TIPARP: variants seen among roughly 807,000 people sequenced by gnomAD.
TIPARP encodes protein mono-ADP-ribosyltransferase TIPARP.
TIPARP carries 12 observed loss-of-function variants against 56.5 expected under a neutral mutation model. The observed-to-expected ratio is 0.21, with a 90% CI of 0.14 to 0.34. The LOEUF (loss-of-function observed/expected upper bound fraction) is 0.34. TIPARP is among the 10% of genes least tolerant of loss of function. The pLI, the probability that TIPARP is intolerant of heterozygous loss-of-function variation, is 1.00. For synonymous variants in TIPARP, 296 were observed against 265.7 expected, an observed-to-expected ratio of 1.11 and a Z score of -1.11; for missense variants, 604 against 781.6, an observed-to-expected ratio of 0.77 and a Z score of 2.71.
chr3:156,691,415 T>G (rs1481580503), intron 2 of TIPARP, among the ~76,000 whole-genome samples: 1 of 152,214 alleles, frequency 6.6e-6, no homozygotes, highest in Non-Finnish European at 1.5e-5. Flanking sequence ...GATAGGCAGA[T>G]GTACTGCTTC....
Position 156,678,110 on chromosome 3 carries a change from A to G in TIPARP, c.413A>G (p.Gln138Arg), listed in dbSNP as rs1461451634. ...GCTCCAGAACGAGTGGTTCCAATCC[A>G]AGATCACAGCTTTCCATCAGAAACC... ...TEAPERVVPI[Q>R]DHSFPSETLS... The change falls in exon 2 of 6, where the codon CAA becomes CGA. Residue 138 changes from glutamine (Q) to arginine (R), a missense_variant. This residue lies in a region of TIPARP where 261 missense variants were observed against 279.2 expected (regional missense o/e 0.93). Transcript: ENST00000295924. 1 of 1,614,120 alleles carries G rather than the reference A, an allele frequency of 6.2e-7. No individual in the cohort carries two copies. The highest frequency in any genetic ancestry group is 8.5e-7 in the Non-Finnish European group (1 of 1,180,032).
rs760946108 is a variant in TIPARP, at chr3:156,677,730, C to A, written c.33C>A (p.Asp11Glu). The change falls in exon 2 of 6, where the codon GAC becomes GAA. Residue 11 changes from aspartate (D) to glutamate (E), a missense_variant. Around this residue, in one of 4 missense-constraint regions of TIPARP, gnomAD observed 261 missense variants for 279.2 expected, o/e 0.93. Coordinates refer to ENST00000295924, the MANE Select transcript of TIPARP (RefSeq NM_015508.5). ...TGGAAACCACCGAACCTGAGCCAGA[C>A]TGTGTAGTGCAGCCTCCCTCTCCTC... MEMETTEPEP[D>E]CVVQPPSPPD... 2 of 1,608,778 alleles carry A rather than the reference C, an allele frequency of 1.2e-6. No homozygotes were observed. The highest frequency in any genetic ancestry group is 1.7e-6 in the Non-Finnish European group (2 of 1,178,246).
chr3:156,705,146 G>C lies in TIPARP; in HGVS notation c.*15G>C, dbSNP rs1722949083. The C allele has an allele frequency of 6.8e-7, 1 of 1,468,080 alleles. No individual in the cohort carries two copies. The highest frequency in any genetic ancestry group is 9.1e-7 in the Non-Finnish European group (1 of 1,098,732). The allele number at this position is 1,468,080 out of a possible 1,614,324, so 90.9% of individuals were successfully genotyped here. On this transcript the variant is annotated 3_prime_UTR_variant, in exon 6 of 6. Coordinates refer to ENST00000295924, the MANE Select transcript of TIPARP (RefSeq NM_015508.5). ...TTTCCATTTGAAAAATCTTGGTACTGCTAAATTATTTGATATGAACTCAAT... is the reference window on the plus strand; with the variant it reads ...TTTCCATTTGAAAAATCTTGGTACTCCTAAATTATTTGATATGAACTCAAT...
chr3:156,683,528 A>T (rs1722356156), intron 2 of TIPARP, among the ~76,000 whole-genome samples: 1 of 152,110 alleles, frequency 6.6e-6, no homozygotes, highest in Non-Finnish European at 1.5e-5. Context: ...TAGTAACTCC[A>T]TTCAGCATTT....
chr3:156,685,827 G>A (rs1018866978), intron 2 of TIPARP, among the ~76,000 whole-genome samples: 3 of 152,248 alleles, frequency 2.0e-5, no homozygotes, highest in Non-Finnish European at 4.4e-5. Flanking sequence ...ACCAAAGGGT[G>A]AACTTTGCTT....
chr3:156,686,663 A>C (rs1270903253), intron 2 of TIPARP, among the ~76,000 whole-genome samples: 1 of 152,194 alleles, frequency 6.6e-6, no homozygotes, highest in East Asian at 1.9e-4. Context: ...TCTGAGTAAA[A>C]ACCTTTTTAT....
At chr3:156,690,323 A>T (rs946874378) in intron 2 of TIPARP, among the ~76,000 whole-genome samples, 1 of 152,168 alleles carries the variant, frequency 6.6e-6, no homozygotes, top group Non-Finnish European at 1.5e-5. Flanking sequence ...GATCTTAAAT[A>T]CTAAGATATT....
intron 2 of TIPARP, among the ~76,000 whole-genome samples, chr3:156,693,410 A>T (rs1177570652): frequency 1.3e-5 from 2 of 152,210 alleles, no homozygotes; most frequent in Non-Finnish European, 2.9e-5. Context: ...AATATTCTCA[A>T]AGCTAAACCT....
intron 5 of TIPARP, 25 bp from the exon 6 acceptor site, chr3:156,704,659 A>G: frequency 1.9e-6 from 3 of 1,592,612 alleles, no homozygotes; most frequent in Non-Finnish European, 2.6e-6. Flanking sequence ...ATCCTTCTGA[A>G]TTCTCTGTCT....
At chr3:156,703,366 T>C (rs1034257938) in intron 4 of TIPARP, 58 bp from the exon 5 acceptor site, 20 of 1,539,234 alleles carry the variant, frequency 1.3e-5, no homozygotes, top group African/African-American at 5.5e-5. Context: ...ATCACTATAA[T>C]GTGAGGTGTA....
At position 156,678,396 on chromosome 3, in the gene TIPARP, C is replaced by G; in HGVS notation, c.699C>G (p.His233Gln). ...VFELVNQLQY[H>Q]THQENGIEIC... ...AGCTGGTGAACCAGTTGCAGTACCA[C>G]ACTCACCAAGAGAACGGAATTGAAA... Residue 233 changes from histidine (H) to glutamine (Q), a missense_variant, in exon 2 of 6, where the codon CAC becomes CAG. Physicochemically the swap from His to Gln is conservative, Grantham distance 24. Around this residue, in one of 4 missense-constraint regions of TIPARP, gnomAD observed 261 missense variants for 279.2 expected, o/e 0.93. Coordinates refer to ENST00000295924, the MANE Select transcript of TIPARP (RefSeq NM_015508.5). 2 of 1,614,216 alleles carry G rather than the reference C, an allele frequency of 1.2e-6. No individual in the cohort carries two copies. Among genetic ancestry groups the G allele is most frequent in the Non-Finnish European group, 1.7e-6 (2 of 1,180,032 alleles).
chr3:156,703,928 G>T (rs1722914078), intron 5 of TIPARP, among the ~76,000 whole-genome samples: 3 of 150,982 alleles, frequency 2.0e-5, no homozygotes, highest in South Asian at 2.1e-4. Flanking sequence ...CAGGAGAATG[G>T]TGTGAACCTG....
Position 156,704,216 on chromosome 3 carries a change from T to C in TIPARP, c.1527-468T>C, listed in dbSNP as rs1283194200. On this transcript the variant is annotated intron_variant, in intron 5 of 5. Transcript: ENST00000295924. The stretch of plus-strand genomic sequence containing the variant: ...AGAAGAAACTGAGTCACAGAAAGCT[T>C]ACTTTGCTGCAGGTCATGCGGCTAT... Among the ~76,000 whole-genome samples, 3 of 152,158 alleles carry C rather than the reference T, an allele frequency of 2.0e-5. No individual in the cohort carries two copies. The East Asian group carries it at 5.8e-4, about 29-fold the overall frequency.
At chr3:156,696,201 A>G (rs1443473397) in intron 4 of TIPARP, among the ~76,000 whole-genome samples, 176 bp downstream of exon 4, 2 of 152,218 alleles carry the variant, frequency 1.3e-5, no homozygotes, top group East Asian at 1.9e-4. Flanking sequence ...ATAAGCTACA[A>G]TAAATCCAGT....
chr3:156,691,692 C>T (rs1722579658), intron 2 of TIPARP, among the ~76,000 whole-genome samples: 1 of 152,160 alleles, frequency 6.6e-6, no homozygotes, highest in African/African-American at 2.4e-5. Flanking sequence ...ATTTTTAAAG[C>T]ATTCCCTGTT....
intron 2 of TIPARP, among the ~76,000 whole-genome samples, chr3:156,693,699 T>C (rs984453266): frequency 2.6e-5 from 4 of 152,196 alleles, no homozygotes; most frequent in South Asian, 4.1e-4. Context: ...GACTCCCTGA[T>C]TGGCTGAGGC....
chr3:156,678,938 G>A (rs1297200268), intron 2 of TIPARP, among the ~76,000 whole-genome samples: 1 of 152,102 alleles, frequency 6.6e-6, no homozygotes, highest in African/African-American at 2.4e-5. Context: ...AGAAAGTCTG[G>A]CGAATCTTAC....
chr3:156,679,835 A>G (rs976992354), intron 2 of TIPARP, among the ~76,000 whole-genome samples: 1 of 152,168 alleles, frequency 6.6e-6, no homozygotes, highest in African/African-American at 2.4e-5. Flanking sequence ...AACCATTTCC[A>G]AGTTGTCTGA....
chr3:156,705,196 T>TTTGGGG lies in TIPARP; in HGVS notation c.*65_*66insTTGGGG. The TTTGGGG allele has an allele frequency of 2.3e-6, 1 of 435,786 alleles. No individual in the cohort carries two copies. The highest frequency in any genetic ancestry group is 4.3e-6 in the Non-Finnish European group (1 of 232,438). The allele number at this position is 435,786 out of a possible 1,614,324, so 27.0% of individuals were successfully genotyped here. On this transcript the variant is annotated 3_prime_UTR_variant, in exon 6 of 6. Transcript: ENST00000295924. ...TCCAGCATTTGTAGCAGGTTTTGAA[T>TTTGGGG]GGGTGGGACTGGGTGGGGAACAGCA...
Sources: gnomAD v4.1 joint callset for allele counts (sites outside exome capture counted in the v4.1 genomes callset) on GRCh38, gnomAD v4.1.1 for gene constraint, gnomAD v4.1.1 regional missense constraint, MANE v1.5 for transcripts, NCBI Gene and HGNC (gene_info 2026-07-23, HGNC 2026-07-21) for gene names.